Variants in WDR90 observed in about 807,000 individuals in gnomAD.
WDR90 encodes WD repeat domain 90, also known as WD repeat-containing protein 90.
WDR90 carries 238 observed loss-of-function variants against 195.2 expected under a neutral mutation model. The ratio of observed to expected loss-of-function variants is 1.22; its 90% CI spans 1.10 to 1.36. The LOEUF is 1.36. WDR90 is among the 40% of genes most tolerant of loss of function. The probability of loss-of-function intolerance (pLI) is 0.00; values close to 1 mark genes in which losing one functional copy is unlikely to be tolerated. For missense variants in WDR90, 2,734 were observed against 2,439.5 expected (o/e 1.12, Z -2.54); for synonymous variants, 1,265 against 1,052.4 (o/e 1.20, Z -3.91).
Position 657,830 on chromosome 16 carries a change from C to A in WDR90, c.2542C>A (p.Leu848Met). The change falls in exon 21 of 41, where the codon CTG (leucine) becomes ATG (methionine). Residue 848 changes from leucine (L) to methionine (M), a missense_variant. Physicochemically the swap from Leu to Met is conservative, Grantham distance 15. Coordinates refer to ENST00000293879, the MANE Select transcript of WDR90 (RefSeq NM_145294.5). ...ALAVSRDGRL[L>M]AFVGPSRCTV... The stretch of plus-strand genomic sequence containing the variant: ...GGCAGTCAGCAGGGATGGCCGCCTG[C>A]TGGCCTTTGTGGGACCCTCCAGGTG... 1 of 1,579,250 alleles carries A rather than the reference C, an allele frequency of 6.3e-7. No homozygotes were observed. The highest frequency in any genetic ancestry group is 1.2e-5 in the South Asian group (1 of 86,638).
intron 17 of WDR90, 173 bp from the exon 18 acceptor site, chr16:656,129 T>A (rs1420132286): frequency 1.3e-6 from 1 of 770,076 alleles, no homozygotes; most frequent in Non-Finnish European, 2.1e-6. Flanking sequence ...TCAGCCTGGG[T>A]CCCGCCTAGC....
At chr16:659,545 T>G (rs2037847667) in intron 26 of WDR90, among the ~76,000 whole-genome samples, 169 bp downstream of exon 26, 1 of 152,048 alleles carries the variant, frequency 6.6e-6, no homozygotes, top group Non-Finnish European at 1.5e-5. Flanking sequence ...CCTCTCCTCC[T>G]TAGCCTCATC....
At position 659,998 on chromosome 16, in the gene WDR90, T is replaced by C. The variant is rs1003583565; in HGVS notation, c.3185-60T>C. 1.0e-5 allele frequency: 13 copies of C among 1,268,000 alleles called. No homozygotes were observed. The Admixed American group carries it at 1.1e-4, about 11-fold the overall frequency. 78.5% of individuals were successfully genotyped at this position (1,268,000 alleles called of 1,614,324 possible). A position where few individuals can be genotyped will look rare whatever the true frequency, so the allele number is the denominator to read the frequency against. On this transcript the variant is annotated intron_variant, in intron 26 of 40. Coordinates refer to ENST00000293879, the MANE Select transcript of WDR90 (RefSeq NM_145294.5). ...GCTTGTGGGGAGACTGCGTGTAGTG[T>C]GGGGTCTCTGAAGAGCTCAGGGCAG...
At chr16:662,188 C>G in intron 32 of WDR90, 32 bp from the exon 33 acceptor site, 1 of 1,520,588 alleles carries the variant, frequency 6.6e-7, no homozygotes, top group Non-Finnish European at 8.8e-7. Flanking sequence ...GGGAAGGCAG[C>G]CGTGGCCCCT....
chr16:667,701 G>T lies in WDR90; in HGVS notation c.*112G>T. On this transcript the variant is annotated 3_prime_UTR_variant, in exon 41 of 41. Coordinates refer to ENST00000293879, the MANE Select transcript of WDR90 (RefSeq NM_145294.5). ...ATGGCCTCATGCTGGGACAGGCCAG[G>T]ATTCACGTAAATCGCCTGGAGCAAG... 1 of 1,507,500 alleles carries T rather than the reference G, an allele frequency of 6.6e-7. No individual in the cohort carries two copies. Among genetic ancestry groups the T allele is most frequent in the Non-Finnish European group, 9.0e-7 (1 of 1,114,278 alleles). 93.4% of individuals were successfully genotyped at this position (1,507,500 alleles called of 1,614,324 possible). A position where few individuals can be genotyped will look rare whatever the true frequency, so the allele number is the denominator to read the frequency against.
rs1304624272 is a variant in WDR90 at position 651,921 on chromosome 16, A to G, written c.935A>G (p.His312Arg). 3 of 1,610,570 alleles carry G rather than the reference A, an allele frequency of 1.9e-6. No individual in the cohort carries two copies. The highest frequency in any genetic ancestry group is 2.7e-5 in the African/African-American group (2 of 74,910). Residue 312 changes from histidine to arginine, a missense_variant, in exon 9 of 41, where the codon CAT becomes CGT. His to Arg is a conservative substitution (Grantham distance 29). Coordinates refer to ENST00000293879, the MANE Select transcript of WDR90 (RefSeq NM_145294.5). ...DASNADGPGF[H>R]SLEPWAQLEA... ...TCCAACGCGGATGGCCCCGGTTTCC[A>G]TAGCCTTGAGCCCTGGGCCCAGCTG...
chr16:661,014 CCG>C lies in WDR90; in HGVS notation c.3392-36_3392-35del, dbSNP rs1491345989. On this transcript the variant is annotated intron_variant, in intron 28 of 40. Coordinates refer to ENST00000293879, the MANE Select transcript of WDR90 (RefSeq NM_145294.5). Reference sequence around the variant, plus strand: ...GGCCCCTCCCCGCCCCCCCCCCCCCCCGGCCCGGCCTCAGGCCCCGCCCTCTC... The same window carrying C: ...GGCCCCTCCCCGCCCCCCCCCCCCCCGCCCGGCCTCAGGCCCCGCCCTCTC... The C allele has an allele frequency of 1.7e-4, 72 of 420,798 alleles. 14 individuals are homozygous for C. The African/African-American group carries it at 2.3e-3, about 13-fold the overall frequency. The allele number at this position is 420,798 out of a possible 1,614,324, so 26.1% of individuals were successfully genotyped here.
At chr16:658,808 G>A (rs983815640) in intron 23 of WDR90, 88 bp from the exon 24 acceptor site, 14 of 1,576,682 alleles carry the variant, frequency 8.9e-6, no homozygotes, top group Admixed American at 3.4e-5. Flanking sequence ...GCCTCACACT[G>A]TGTGGGGCTC....
In WDR90 at chr16:666,943, C is replaced by T. The variant is rs760702284; in HGVS notation, c.5043C>T (p.Ser1681=). The change falls in exon 40 of 41, where the codon TCC becomes TCT. Residue 1681 remains serine, a synonymous_variant. Coordinates refer to ENST00000293879, the MANE Select transcript of WDR90 (RefSeq NM_145294.5). ...TACCACTGCCCTTTTTTGCCATGTCCCTGAGCCTGTCCCCCGGGACCCACC... is the reference window on the plus strand; with the variant it reads ...TACCACTGCCCTTTTTTGCCATGTCTCTGAGCCTGTCCCCCGGGACCCACC... ...EKIPLPFFAM[S]LSLSPGTHLL... The T allele has an allele frequency of 6.2e-7, 1 of 1,612,376 alleles. No individual in the cohort carries two copies. Among genetic ancestry groups the T allele is most frequent in the African/African-American group, 1.3e-5 (1 of 74,968 alleles).
At position 656,471 on chromosome 16, in the gene WDR90, G is replaced by T; in HGVS notation, c.2136G>T (p.Arg712=). Residue 712 remains arginine (R), a synonymous_variant, in exon 18 of 41, where the codon CGG becomes CGT. Transcript: ENST00000293879. The part of the protein sequence containing the change: ...PVLALAMEQR[R]GQLATVSQDR... ...TGGCCCTCGCCATGGAGCAGAGGCG[G>T]GGACAGCTGGCCACCGTGTCCCAGG... is the stretch of plus-strand genomic sequence containing the variant. 1 of 1,587,788 alleles carries T rather than the reference G, an allele frequency of 6.3e-7. No individual in the cohort carries two copies.
intron 7 of WDR90, 31 bp from the exon 8 acceptor site, chr16:651,613 T>C: frequency 6.2e-7 from 1 of 1,605,134 alleles, no homozygotes; most frequent in Non-Finnish European, 8.5e-7. Flanking sequence ...AGCTGGCCCC[T>C]GGGTCACTGG....
rs762412266 is a variant in WDR90, at chr16:653,342, C to G, written c.1124C>G (p.Ala375Gly). The G allele has an allele frequency of 6.5e-7, 1 of 1,547,942 alleles. No individual in the cohort carries two copies. The highest frequency in any genetic ancestry group is 2.1e-5 in the Admixed American group (1 of 47,068). ...IGFGGHGTRQ[A>G]LWTPDGAAVV... ...CAGCCCCCCGCCCCCTTGTGCCAGG[C>G]CCTGTGGACCCCAGACGGGGCGGCT... Residue 375 changes from alanine (A) to glycine (G), a missense_variant and splice_region_variant, in exon 11 of 41, where the codon GCC (alanine) becomes GGC (glycine). By Grantham distance (60) the Ala-to-Gly change is moderately conservative. Transcript: ENST00000293879.
rs370695286 is a variant in WDR90 at position 651,732 on chromosome 16, G to A, written c.825G>A (p.Thr275=). Residue 275 remains threonine, a synonymous_variant, in exon 8 of 41, where the codon ACG becomes ACA. Transcript: ENST00000293879. ...VRFSVSPVVQ[T]PSPTASGRAA... Reference sequence around the variant, plus strand: ...TCAGTGTGTCTCCAGTGGTCCAGACGCCCAGCCCCACAGCCGTGAGTACCC... The same window carrying A: ...TCAGTGTGTCTCCAGTGGTCCAGACACCCAGCCCCACAGCCGTGAGTACCC... The A allele has an allele frequency of 2.3e-5, 37 of 1,612,914 alleles. No individual in the cohort carries two copies. The African/African-American group carries it at 4.1e-4, about 18-fold the overall frequency.
rs752937303 is a variant in WDR90, at chr16:667,465, G to C, written c.5123G>C (p.Gly1708Ala). Reference protein sequence around the residue: ...CMLRLVDCAMGTAQDFAGHDN... With the variant: ...CMLRLVDCAMATAQDFAGHDN... Reference sequence around the variant, plus strand: ...CTGAGGCTGGTAGACTGTGCCATGGGGACTGCCCAAGACTTTGCCGGCCAC... The same window carrying C: ...CTGAGGCTGGTAGACTGTGCCATGGCGACTGCCCAAGACTTTGCCGGCCAC... The change falls in exon 41 of 41, where the codon GGG becomes GCG. Residue 1708 changes from glycine (G) to alanine (A), a missense_variant. Transcript: ENST00000293879. 12 of 1,607,654 alleles carry C rather than the reference G, an allele frequency of 7.5e-6. No individual in the cohort carries two copies. The Admixed American group carries it at 2.0e-4, about 27-fold the overall frequency.
At chr16:660,223 C>G (rs1596466341) in intron 27 of WDR90, 62 bp downstream of exon 27, 26 of 1,383,406 alleles carry the variant, frequency 1.9e-5, no homozygotes, top group Non-Finnish European at 2.5e-5. Context: ...CCCCGCAGGG[C>G]TCCCCAGCAC....
At chr16:663,156 G>A (rs2037952821) in intron 34 of WDR90, 1 of 448,450 alleles carries the variant, frequency 2.2e-6, no homozygotes, top group Non-Finnish European at 4.4e-6. Context: ...AATCACATCA[G>A]TCCGGGCGTG....
rs2038033960 is a variant in WDR90, at chr16:666,254, C to CT, written c.4644_4645insT (p.Val1549CysfsTer17). 6.2e-7 allele frequency: 1 copy of CT among 1,612,574 alleles called. No homozygotes were observed. The highest frequency in any genetic ancestry group is 2.2e-5 in the East Asian group (1 of 44,890). ...TCCTCTCTGGAGACAAGGATGGGCT[C>CT]GTGGCTGTGAGCCACCCCTGCACAG... On this transcript the variant is annotated frameshift_variant, in exon 37 of 41. Coordinates refer to ENST00000293879, the MANE Select transcript of WDR90 (RefSeq NM_145294.5). LOFTEE classifies it high-confidence loss of function.
intron 34 of WDR90, among the ~76,000 whole-genome samples, chr16:663,858 T>C (rs1418755341): frequency 6.6e-6 from 1 of 152,160 alleles, no homozygotes; most frequent in East Asian, 1.9e-4. Flanking sequence ...CTGGACCAGG[T>C]TCCTGGCGTG....
chr16:659,306 G>C lies in WDR90; in HGVS notation c.3114G>C (p.Gln1038His). The C allele has an allele frequency of 6.2e-7, 1 of 1,601,178 alleles. No individual in the cohort carries two copies. Among genetic ancestry groups the C allele is most frequent in the Non-Finnish European group, 8.5e-7 (1 of 1,174,882 alleles). Residue 1038 changes from glutamine to histidine, a missense_variant, in exon 26 of 41, where the codon CAG (glutamine) becomes CAC (histidine). Physicochemically the swap from Gln to His is conservative, Grantham distance 24. Transcript: ENST00000293879. ...GGGCCAGCGAGCTCCCCCGGCAGCAGGTCCCCAAGCCATGTCAGGCATCTC... is the reference window on the plus strand; with the variant it reads ...GGGCCAGCGAGCTCCCCCGGCAGCACGTCCCCAAGCCATGTCAGGCATCTC... ...ASRASELPRQ[Q>H]VPKPCQASPP...
Sources: gnomAD v4.1 joint callset for allele counts (sites outside exome capture counted in the v4.1 genomes callset) on GRCh38, gnomAD v4.1.1 for gene constraint, MANE v1.5 for transcripts, NCBI Gene and HGNC (gene_info 2026-07-23, HGNC 2026-07-21) for gene names.